The following SHCBP1L variants were observed in gnomAD, a reference collection of about 807,000 sequenced individuals.
SHCBP1L encodes the protein testicular spindle-associated protein SHCBP1L.
A neutral mutation model predicts 62.5 loss-of-function variants in SHCBP1L; 67 were observed. The observed-to-expected ratio is 1.07, with a 90% confidence interval of 0.88 to 1.31. The LOEUF (loss-of-function observed/expected upper bound fraction) is 1.31. SHCBP1L is among the 40% of genes most tolerant of loss of function. The pLI is 0.00. For missense variants in SHCBP1L, 823 were observed against 809.8 expected (o/e 1.02, Z -0.20); for synonymous variants, 284 against 289.4 (o/e 0.98, Z 0.19).
At chr1:182,931,571 C>T (rs1007240711) in intron 5 of SHCBP1L, among the ~76,000 whole-genome samples, 1 of 152,066 alleles carries the variant, frequency 6.6e-6, no homozygotes, top group Non-Finnish European at 1.5e-5. Flanking sequence ...TCTGTCATTA[C>T]GTATTTCCCT....
chr1:182,934,544 G>C (rs1244374322), intron 5 of SHCBP1L, among the ~76,000 whole-genome samples: 1 of 151,994 alleles, frequency 6.6e-6, no homozygotes, highest in African/African-American at 2.4e-5. Context: ...TGTTTGTTAT[G>C]TTTGAGTTTT....
intron 6 of SHCBP1L, among the ~76,000 whole-genome samples, chr1:182,922,957 C>A (rs1650570409): frequency 6.6e-6 from 1 of 152,016 alleles, no homozygotes; most frequent in Non-Finnish European, 1.5e-5. Flanking sequence ...TCAACAAAAC[C>A]TTTGTTTTTT....
At chr1:182,941,253 CAAA>C (rs368017905) in intron 2 of SHCBP1L, among the ~76,000 whole-genome samples, 2 of 57,472 alleles carry the variant, frequency 3.5e-5, no homozygotes, top group Non-Finnish European at 8.0e-5. Flanking sequence ...ACTCAAACAC[CAAA>C]AAAAAAAAAA....
chr1:182,920,379 A>G (rs1571343767), intron 6 of SHCBP1L, among the ~76,000 whole-genome samples: 1 of 152,196 alleles, frequency 6.6e-6, no homozygotes, highest in East Asian at 1.9e-4. Context: ...CTTATACCAC[A>G]GTAAAACCCT....
intron 2 of SHCBP1L, chr1:182,942,487 G>A: frequency 3.1e-6 from 2 of 639,620 alleles, no homozygotes; most frequent in Admixed American, 5.0e-5. Context: ...CCTGGCCGCT[G>A]CCACTCCTCC....
Position 182,951,496 on chromosome 1 carries a change from T to C in SHCBP1L, c.406-29A>G, listed in dbSNP as rs779121462. 4.2e-6 allele frequency: 6 copies of C among 1,444,868 alleles called. No individual in the cohort carries two copies. In the Admixed American group the frequency reaches 9.3e-5, roughly 22 times the overall value. The allele number at this position is 1,444,868 out of a possible 1,614,324, so 89.5% of individuals were successfully genotyped here. On this transcript the variant is annotated intron_variant, in intron 1 of 9. Coordinates refer to ENST00000367547, the MANE Select transcript of SHCBP1L (RefSeq NM_030933.4). ...ACAAGAGAAAAAATGGATCTACATA[T>C]AAATATATGAAATTATAGATTTTAA...
At chr1:182,904,675 T>A (rs1260525297) in intron 7 of SHCBP1L, among the ~76,000 whole-genome samples, 1 of 152,044 alleles carries the variant, frequency 6.6e-6, no homozygotes, top group Non-Finnish European at 1.5e-5. Flanking sequence ...CCTGAGTAAG[T>A]TGGGACTACA....
intron 2 of SHCBP1L, among the ~76,000 whole-genome samples, chr1:182,941,483 G>A (rs1055899848): frequency 1.3e-5 from 2 of 152,072 alleles, no homozygotes; most frequent in Non-Finnish European, 2.9e-5. Flanking sequence ...AGGCTATAAA[G>A]TACCAGTATC....
chr1:182,942,043 A>G (rs1487617257), intron 2 of SHCBP1L: 17 of 872,122 alleles, frequency 1.9e-5, no homozygotes, highest in Non-Finnish European at 3.0e-5. Context: ...TGATAAAAAT[A>G]TTCCTCTGGA....
chr1:182,944,156 A>ATAAATAAATAAAT (rs60075454), intron 2 of SHCBP1L, among the ~76,000 whole-genome samples: 1 of 151,460 alleles, frequency 6.6e-6, no homozygotes, highest in African/African-American at 2.4e-5. Flanking sequence ...AAATAAATAA[A>ATAAATAAATAAAT]AGAGGCCGGG....
chr1:182,928,768 A>C (rs1650863960), intron 6 of SHCBP1L, among the ~76,000 whole-genome samples: 1 of 152,164 alleles, frequency 6.6e-6, no homozygotes, highest in African/African-American at 2.4e-5. Flanking sequence ...AATTGCAGAC[A>C]ATTAATTGAT....
At chr1:182,936,341 G>C (rs1467181787) in intron 5 of SHCBP1L, among the ~76,000 whole-genome samples, 1 of 151,612 alleles carries the variant, frequency 6.6e-6, no homozygotes, top group Non-Finnish European at 1.5e-5. Flanking sequence ...TCACCATGTT[G>C]GCCAGGCTGG....
chr1:182,951,263 T>G, intron 2 of SHCBP1L, 55 bp downstream of exon 2: 1 of 1,307,804 alleles, frequency 7.6e-7, no homozygotes, highest in East Asian at 2.4e-5. Flanking sequence ...AGTCATATTT[T>G]AGTCTTTAAA....
At chr1:182,907,704 G>A (rs1337914461) in intron 6 of SHCBP1L, among the ~76,000 whole-genome samples, 5 of 151,848 alleles carry the variant, frequency 3.3e-5, no homozygotes, top group East Asian at 1.9e-4. Context: ...TCAGCCTCCC[G>A]AGTAGCTGGG....
intron 9 of SHCBP1L, 121 bp downstream of exon 9, chr1:182,902,918 C>T (rs367881166): frequency 1.6e-6 from 1 of 628,632 alleles, no homozygotes; most frequent in East Asian, 3.2e-5. Flanking sequence ...ATTACTTGTA[C>T]TATTCTTTTC....
Position 182,952,796 on chromosome 1 carries a change from C to A in SHCBP1L, c.338G>T (p.Arg113Leu), listed in dbSNP as rs774298992. Residue 113 changes from arginine (R) to leucine (L), a missense_variant, in exon 1 of 10, where the codon CGT (arginine) becomes CTT (leucine). Transcript: ENST00000367547. Reference sequence around the variant, plus strand: ...CTCGTCCCGCCACATCCCCCTCATACGGGACACGCAGACTGGGGGCAGGGG... The same window carrying A: ...CTCGTCCCGCCACATCCCCCTCATAAGGGACACGCAGACTGGGGGCAGGGG... ...AQPLPPVCVS[R>L]MRGMWRDEKV... 2.5e-6 allele frequency: 4 copies of A among 1,612,548 alleles called. No individual in the cohort carries two copies. The African/African-American group carries it at 5.4e-5, about 22-fold the overall frequency.
At chr1:182,927,623 G>C (rs942100017) in intron 6 of SHCBP1L, among the ~76,000 whole-genome samples, 1 of 136,106 alleles carries the variant, frequency 7.3e-6, no homozygotes, top group Non-Finnish European at 1.5e-5. Context: ...AGTGAGGCGA[G>C]ATCACGCCAC....
chr1:182,909,666 A>G (rs1396616665), intron 6 of SHCBP1L, among the ~76,000 whole-genome samples: 1 of 152,218 alleles, frequency 6.6e-6, no homozygotes, highest in African/African-American at 2.4e-5. Flanking sequence ...AATTTTGTAT[A>G]TATGGGTTCT....
intron 6 of SHCBP1L, among the ~76,000 whole-genome samples, chr1:182,925,058 G>A (rs199861475): frequency 2.8e-4 from 36 of 127,964 alleles, no homozygotes; most frequent in East Asian, 1.2e-3. Flanking sequence ...GAAAGGGAAG[G>A]AAGGGAAGGA....
Sources: allele counts gnomAD v4.1 joint callset (sites outside exome capture counted in the v4.1 genomes callset), GRCh38; gene constraint gnomAD v4.1.1; transcripts MANE v1.5; gene names NCBI Gene and HGNC (gene_info 2026-07-23, HGNC 2026-07-21).